The following GRB10 variants were observed in gnomAD, a reference collection of about 807,000 sequenced individuals.
GRB10 encodes the protein growth factor receptor bound protein 10.
Under a neutral mutation model 80.9 loss-of-function variants are expected in GRB10, and 20 were observed. That is an observed-to-expected ratio of 0.25 (90% CI 0.17 to 0.36). The LOEUF (loss-of-function observed/expected upper bound fraction) is 0.36. Ranked by LOEUF, GRB10 falls within the 10% of genes least tolerant of loss-of-function variation. The pLI is 1.00. For missense variants in GRB10, 548 were observed against 747.7 expected, an observed-to-expected ratio of 0.73 and a Z score of 3.12; for synonymous variants, 291 against 291.5, an observed-to-expected ratio of 1.00 and a Z score of 0.02.
At chr7:50,679,868 C>T (rs991071016) in intron 5 of GRB10, among the ~76,000 whole-genome samples, 2 of 152,232 alleles carry the variant, frequency 1.3e-5, no homozygotes, top group African/African-American at 2.4e-5. Context: ...GTTCACTTGG[C>T]AAGCAATTTC....
intron 7 of GRB10, among the ~76,000 whole-genome samples, chr7:50,642,781 A>G (rs1376186989): frequency 6.6e-6 from 1 of 152,242 alleles, no homozygotes; most frequent in Non-Finnish European, 1.5e-5. Context: ...ATAGACACAT[A>G]CATACATTAG....
intron 5 of GRB10, among the ~76,000 whole-genome samples, chr7:50,690,240 G>A (rs767113990): frequency 3.3e-5 from 5 of 151,922 alleles, no homozygotes; most frequent in Non-Finnish European, 7.4e-5. Context: ...AGGTTGCGAT[G>A]AGTCAAGATC....
intron 5 of GRB10, among the ~76,000 whole-genome samples, chr7:50,696,355 C>G (rs1338828428): frequency 6.6e-6 from 1 of 152,220 alleles, no homozygotes; most frequent in Non-Finnish European, 1.5e-5. Flanking sequence ...CTGTGCTTTA[C>G]AGACGCCTCT....
chr7:50,705,554 T>C (rs2064922413), intron 4 of GRB10, among the ~76,000 whole-genome samples: 1 of 152,230 alleles, frequency 6.6e-6, no homozygotes, highest in African/African-American at 2.4e-5. Flanking sequence ...ACCATGTGCA[T>C]CTGTGCAATG....
intron 3 of GRB10, among the ~76,000 whole-genome samples, chr7:50,741,682 T>C (rs1398287662): frequency 6.6e-6 from 1 of 151,538 alleles, no homozygotes; most frequent in Non-Finnish European, 1.5e-5. Flanking sequence ...CACACCCCCA[T>C]GTGTCAAGAC....
intron 5 of GRB10, among the ~76,000 whole-genome samples, chr7:50,688,980 C>G (rs2715122): frequency 0.073 from 11,183 of 152,178 alleles, 1,409 homozygotes; most frequent in African/African-American, 0.25. Flanking sequence ...TGGCCATGCA[C>G]AGAGCCTGCT....
intron 5 of GRB10, among the ~76,000 whole-genome samples, chr7:50,699,042 A>T (rs976781023): frequency 6.6e-6 from 1 of 152,226 alleles, no homozygotes; most frequent in Non-Finnish European, 1.5e-5. Flanking sequence ...TGTTAATATT[A>T]TAAGTGGGAT....
chr7:50,683,651 C>A (rs2061780714), intron 5 of GRB10, among the ~76,000 whole-genome samples: 1 of 152,116 alleles, frequency 6.6e-6, no homozygotes, highest in Non-Finnish European at 1.5e-5. Context: ...GCAGGAGAAT[C>A]GCTTGAACCC....
At chr7:50,662,942 A>G (rs1464864166) in intron 7 of GRB10, among the ~76,000 whole-genome samples, 2 of 152,222 alleles carry the variant, frequency 1.3e-5, no homozygotes, top group Admixed American at 6.5e-5. Context: ...TCTCAAGGGA[A>G]TCTACTTCAA....
chr7:50,778,095 C>T (rs553374000), intron 2 of GRB10, among the ~76,000 whole-genome samples: 1 of 152,134 alleles, frequency 6.6e-6, no homozygotes, highest in Admixed American at 6.5e-5. Flanking sequence ...AAAAACTAGC[C>T]TAATGAAATA....
intron 4 of GRB10, among the ~76,000 whole-genome samples, chr7:50,717,145 T>C (rs1221018823): frequency 6.6e-6 from 1 of 152,218 alleles, no homozygotes; most frequent in Non-Finnish European, 1.5e-5. Context: ...ACAAAACACA[T>C]GCTAGCTCCC....
chr7:50,670,860 T>A (rs2153637496), intron 6 of GRB10, among the ~76,000 whole-genome samples: 1 of 152,350 alleles, frequency 6.6e-6, no homozygotes, highest in East Asian at 1.9e-4. Context: ...TCGCAAAGCC[T>A]GTGTCCACAT....
chr7:50,736,446 A>G (rs1210015988), intron 3 of GRB10, among the ~76,000 whole-genome samples: 3 of 152,218 alleles, frequency 2.0e-5, no homozygotes, highest in African/African-American at 7.2e-5. Flanking sequence ...ACTGATTTTC[A>G]GTAAGGATGC....
At chr7:50,721,098 T>G (rs2067650684) in intron 4 of GRB10, among the ~76,000 whole-genome samples, 1 of 152,206 alleles carries the variant, frequency 6.6e-6, no homozygotes, top group South Asian at 2.1e-4. Flanking sequence ...TTTAACACAG[T>G]AAAGGTACCC....
chr7:50,771,085 G>A (rs2153709316), intron 2 of GRB10, among the ~76,000 whole-genome samples: 1 of 152,254 alleles, frequency 6.6e-6, no homozygotes, highest in East Asian at 1.9e-4. Context: ...TGGAACTGCT[G>A]CCCAGTGAAA....
intron 8 of GRB10, 52 bp from the exon 9 acceptor site, chr7:50,619,337 T>A: frequency 9.8e-7 from 1 of 1,017,834 alleles, no homozygotes; most frequent in Non-Finnish European, 1.6e-6. Context: ...AAATTCATGG[T>A]AGCTTTACAA....
At chr7:50,721,857 G>A (rs983919712) in intron 4 of GRB10, among the ~76,000 whole-genome samples, 3 of 152,334 alleles carry the variant, frequency 2.0e-5, no homozygotes, top group South Asian at 2.1e-4. Context: ...AGGCTCCATG[G>A]GGGTGTGGCA....
chr7:50,643,725 T>C (rs2056694126), intron 7 of GRB10, among the ~76,000 whole-genome samples: 1 of 152,180 alleles, frequency 6.6e-6, no homozygotes, highest in South Asian at 2.1e-4. Flanking sequence ...TATCTACAAA[T>C]GAGTCTCAAA....
intron 7 of GRB10, among the ~76,000 whole-genome samples, chr7:50,630,529 A>C (rs1198873574): frequency 6.6e-6 from 1 of 152,132 alleles, no homozygotes; most frequent in African/African-American, 2.4e-5. Context: ...GCCTGTGGAC[A>C]ACCACCGAAG....
Sources: gnomAD v4.1 joint callset for allele counts (sites outside exome capture counted in the v4.1 genomes callset) on GRCh38, gnomAD v4.1.1 for gene constraint, MANE v1.5 for transcripts, NCBI Gene and HGNC (gene_info 2026-07-23, HGNC 2026-07-21) for gene names.